Variants in DMD observed in about 807,000 individuals in gnomAD.
The protein encoded by DMD is dystrophin.
Under a neutral mutation model 330.1 loss-of-function variants are expected in DMD, and 63 were observed. The ratio of observed to expected loss-of-function variants is 0.19; its 90% confidence interval spans 0.16 to 0.24. The LOEUF (loss-of-function observed/expected upper bound fraction) is 0.24, where lower values mean the gene tolerates loss of function less well. Among genes scored for constraint, DMD ranks in the 10% least tolerant of loss-of-function variants. The probability of loss-of-function intolerance (pLI) is 1.00; values close to 1 mark genes in which losing one functional copy is unlikely to be tolerated. For synonymous variants in DMD, 1,223 were observed against 959.8 expected, an observed-to-expected ratio of 1.27 and a Z score of -5.07; for missense variants, 3,344 against 2,684.1, an observed-to-expected ratio of 1.25 and a Z score of -5.43.
At chrX:31,650,287 T>C (rs1212675668) in intron 54 of DMD, among the ~76,000 whole-genome samples, 1 of 94,941 alleles carries the variant, frequency 1.1e-5, no homozygotes, top group Admixed American at 1.3e-4. Flanking sequence ...ATGTGCCACA[T>C]ATATATTATG....
rs756215454 is a variant in DMD, at chrX:31,544,323, C to CA, written c.8218-36871dup. On this transcript the variant is annotated intron_variant, in intron 55 of 78. Coordinates refer to ENST00000357033, the MANE Select transcript of DMD (RefSeq NM_004006.3). ...TGGGTTACAGGGTGAGACTCCGTCT[C>CA]AAAAAAAAAAAAAAAAAAGGATTCA... Among the ~76,000 whole-genome samples, 191 of 50,671 alleles carry CA rather than the reference C, an allele frequency of 3.8e-3. 1 individual carries two copies. The highest frequency in any genetic ancestry group is 4.7e-3 in the Non-Finnish European group (113 of 24,017). The allele number at this position is 50,671 out of a possible 115,157, so 44.0% of individuals were successfully genotyped here. A position where few individuals can be genotyped will look rare whatever the true frequency, so the allele number is the denominator to read the frequency against.
intron 55 of DMD, among the ~76,000 whole-genome samples, chrX:31,612,598 G>A (rs1266412297): frequency 9.0e-6 from 1 of 111,613 alleles, no homozygotes; most frequent in Non-Finnish European, 1.9e-5. Flanking sequence ...CTTTCTTAAG[G>A]CTGCGCTGTG....
intron 18 of DMD, 67 bp downstream of exon 18, chrX:32,517,941 T>C (rs780725279): frequency 9.0e-7 from 1 of 1,115,825 alleles, no homozygotes; most frequent in Admixed American, 2.2e-5. Context: ...GAATCACAGA[T>C]AACAAAGCAC....
At chrX:32,726,186 G>C (rs1048478921) in intron 7 of DMD, among the ~76,000 whole-genome samples, 4 of 111,209 alleles carry the variant, frequency 3.6e-5, no homozygotes, top group Admixed American at 1.9e-4. Flanking sequence ...TGCGGGGTTA[G>C]CAAATCAACC....
chrX:31,506,146 G>A lies in DMD; in HGVS notation c.8390+1135C>T, dbSNP rs1476890420. ...TAGGTACATCATGTAAATATTAGTT[G>A]CTATCATTATTTCATACTTGATGCA... On this transcript the variant is annotated intron_variant, in intron 56 of 78. Coordinates refer to ENST00000357033, the MANE Select transcript of DMD (RefSeq NM_004006.3). Among the ~76,000 whole-genome samples, 3 of 111,886 alleles carry A rather than the reference G, an allele frequency of 2.7e-5. No homozygotes were observed. In the Admixed American group the frequency reaches 2.8e-4, roughly 11 times the overall value.
At chrX:31,181,535 C>T (rs2041155799) in intron 68 of DMD, among the ~76,000 whole-genome samples, 1 of 110,317 alleles carries the variant, frequency 9.1e-6, no homozygotes, top group South Asian at 3.9e-4. Flanking sequence ...GCTTCCCTTC[C>T]CCACTCCCCA....
intron 44 of DMD, among the ~76,000 whole-genome samples, chrX:32,177,820 A>G (rs1413265243): frequency 9.0e-6 from 1 of 110,991 alleles, no homozygotes; most frequent in Non-Finnish European, 1.9e-5. Flanking sequence ...GATTGTGGTA[A>G]AAATGAAAAT....
At chrX:33,051,966 T>C (rs1276677931) in intron 1 of DMD, among the ~76,000 whole-genome samples, 1 of 111,137 alleles carries the variant, frequency 9.0e-6, no homozygotes, top group African/African-American at 3.3e-5. Flanking sequence ...CCTTTAAATC[T>C]AGTGTATCTA....
upstream of DMD, among the ~76,000 whole-genome samples, chrX:33,212,103 T>G (rs2051941682): frequency 8.9e-6 from 1 of 112,312 alleles, no homozygotes; most frequent in South Asian, 3.7e-4. Context: ...GAAGGCAGAA[T>G]GTGTGTGTGT....
At chrX:31,352,096 T>C (rs949695159) in intron 60 of DMD, among the ~76,000 whole-genome samples, 3 of 111,499 alleles carry the variant, frequency 2.7e-5, no homozygotes, top group African/African-American at 9.8e-5. Flanking sequence ...TTTAATTTCT[T>C]TAATCAGTTT....
At chrX:32,018,396 A>G (rs752263882) in intron 44 of DMD, among the ~76,000 whole-genome samples, 6 of 111,244 alleles carry the variant, frequency 5.4e-5, no homozygotes, top group Non-Finnish European at 1.1e-4. Context: ...TGGCTGCTCA[A>G]TATACCACCC....
At chrX:32,546,166 G>C (rs946784649) in intron 16 of DMD, among the ~76,000 whole-genome samples, 3 of 102,444 alleles carry the variant, frequency 2.9e-5, no homozygotes, top group Non-Finnish European at 5.9e-5. Flanking sequence ...GGCATTACGA[G>C]ATAGACAAGT....
In DMD at chrX:33,009,156, ATATATGTATATATATGTGTATATATAC is replaced by A. The variant is rs1569548827; in HGVS notation, c.93+10956_93+10982del. Among the ~76,000 whole-genome samples the A allele has an allele frequency of 4.7e-5, 2 of 42,238 alleles. 1 individual carries two copies. The highest frequency in any genetic ancestry group is 8.3e-5 in the Non-Finnish European group (2 of 24,067). 36.7% of individuals were successfully genotyped at this position (42,238 alleles called of 115,157 possible). ...TGTATATATATGTGTATATATACGT[ATATATGTATATATATGTGTATATATAC>A]GTATATATGTATATATGTGTATATA... On this transcript the variant is annotated intron_variant, in intron 2 of 78. Transcript: ENST00000357033.
chrX:32,379,736 G>A (rs1246281131), intron 34 of DMD, among the ~76,000 whole-genome samples: 1 of 111,300 alleles, frequency 9.0e-6, no homozygotes, highest in African/African-American at 3.3e-5. Context: ...AATCTGGATA[G>A]CCACATTGAA....
At chrX:31,166,552 G>A (rs2039436256) in intron 74 of DMD, among the ~76,000 whole-genome samples, 1 of 111,816 alleles carries the variant, frequency 8.9e-6, no homozygotes, top group Non-Finnish European at 1.9e-5. Flanking sequence ...TGCTGACTTA[G>A]GACATAGCCA....
chrX:32,901,518 C>T (rs1346961769), intron 2 of DMD, among the ~76,000 whole-genome samples: 1 of 109,432 alleles, frequency 9.1e-6, no homozygotes, highest in Non-Finnish European at 1.9e-5. Flanking sequence ...TTTAACTTTG[C>T]TTTTGAAACT....
intron 50 of DMD, among the ~76,000 whole-genome samples, chrX:31,806,164 C>A (rs1184519946): frequency 1.8e-5 from 2 of 112,190 alleles, no homozygotes; most frequent in Non-Finnish European, 3.8e-5. Flanking sequence ...CTAACCTATA[C>A]CTCCCGCTGA....
chrX:31,466,094 T>A (rs2066838495), intron 59 of DMD, among the ~76,000 whole-genome samples: 2 of 112,440 alleles, frequency 1.8e-5, no homozygotes, highest in Admixed American at 1.9e-4. Context: ...GTCAGATGAA[T>A]AGATGGCAAA....
At chrX:32,758,927 C>T (rs2071871755) in intron 7 of DMD, among the ~76,000 whole-genome samples, 1 of 111,739 alleles carries the variant, frequency 8.9e-6, no homozygotes, top group Non-Finnish European at 1.9e-5. Context: ...AGATAAAATG[C>T]CCTCTTTTAC....
Sources: gnomAD v4.1 joint callset for allele counts (sites outside exome capture counted in the v4.1 genomes callset) on GRCh38, gnomAD v4.1.1 for gene constraint, MANE v1.5 for transcripts, NCBI Gene and HGNC (gene_info 2026-07-23, HGNC 2026-07-21) for gene names.